Variants in EPHA6 observed in about 807,000 individuals in gnomAD.
EPHA6 encodes the protein ephrin type-A receptor 6.
In EPHA6, 50 loss-of-function variants were observed where a neutral mutation model predicts 112.0. The observed-to-expected ratio is 0.45, with a 90% CI of 0.36 to 0.56. The LOEUF is 0.56. Among genes scored for constraint, EPHA6 ranks in the 20% least tolerant of loss-of-function variants. The probability of loss-of-function intolerance (pLI) is 0.00; values close to 1 mark genes in which losing one functional copy is unlikely to be tolerated. For missense variants in EPHA6, 1,280 were observed against 1,417.4 expected, an observed-to-expected ratio of 0.90 and a Z score of 1.56; for synonymous variants, 529 against 490.7, an observed-to-expected ratio of 1.08 and a Z score of -1.03.
intron 3 of EPHA6, among the ~76,000 whole-genome samples, chr3:97,146,665 A>C (rs1228101317): frequency 4.0e-5 from 6 of 151,878 alleles, no homozygotes; most frequent in Non-Finnish European, 5.9e-5. Context: ...TTTTTAAAAA[A>C]TTTTTCATGT....
At chr3:97,273,087 A>G (rs1020815116) in intron 5 of EPHA6, among the ~76,000 whole-genome samples, 2 of 152,146 alleles carry the variant, frequency 1.3e-5, no homozygotes, top group Non-Finnish European at 2.9e-5. Flanking sequence ...AACGTTTGTC[A>G]TTTAGAATTA....
At chr3:96,978,975 G>T (rs140624312) in intron 2 of EPHA6, among the ~76,000 whole-genome samples, 6 of 152,162 alleles carry the variant, frequency 3.9e-5, no homozygotes, top group Non-Finnish European at 5.9e-5. Context: ...TATTTTCAGA[G>T]AATTAATTTT....
At chr3:97,618,431 G>A (rs988352542) in intron 13 of EPHA6, among the ~76,000 whole-genome samples, 1 of 152,086 alleles carries the variant, frequency 6.6e-6, no homozygotes, top group South Asian at 2.1e-4. Flanking sequence ...TAAGATCAGA[G>A]CTGGGCTACA....
intron 3 of EPHA6, among the ~76,000 whole-genome samples, chr3:97,072,472 T>C (rs1368272548): frequency 6.6e-6 from 1 of 152,058 alleles, no homozygotes; most frequent in Non-Finnish European, 1.5e-5. Flanking sequence ...ACAGATTCTT[T>C]ATCACAGCCG....
At chr3:96,865,719 A>G (rs1464436412) in intron 1 of EPHA6, among the ~76,000 whole-genome samples, 1 of 151,232 alleles carries the variant, frequency 6.6e-6, no homozygotes, top group African/African-American at 2.4e-5. Flanking sequence ...AAAAAAAGGA[A>G]AAAGAAATCT....
intron 5 of EPHA6, among the ~76,000 whole-genome samples, chr3:97,398,260 A>G (rs984764493): frequency 5.9e-5 from 9 of 151,444 alleles, no homozygotes; most frequent in Non-Finnish European, 1.3e-4. Flanking sequence ...ATTAACCATA[A>G]GATTGTATAT....
chr3:97,222,483 G>A (rs1329967645), intron 3 of EPHA6, among the ~76,000 whole-genome samples: 3 of 152,184 alleles, frequency 2.0e-5, no homozygotes, highest in Admixed American at 1.3e-4. Flanking sequence ...TTTTGCATTA[G>A]GAGTAATATC....
chr3:97,463,571 A>C (rs2090959231), intron 7 of EPHA6, among the ~76,000 whole-genome samples: 1 of 152,174 alleles, frequency 6.6e-6, no homozygotes, highest in Non-Finnish European at 1.5e-5. Context: ...TGAAGCACAA[A>C]TGTTCTAAGA....
chr3:97,554,521 A>G (rs1445484955), intron 11 of EPHA6, among the ~76,000 whole-genome samples: 5 of 152,146 alleles, frequency 3.3e-5, no homozygotes, highest in African/African-American at 7.2e-5. Flanking sequence ...TCTTGCTCAC[A>G]TAAAAGTCTA....
At chr3:96,824,645 A>G (rs2033523695) in intron 1 of EPHA6, among the ~76,000 whole-genome samples, 1 of 152,082 alleles carries the variant, frequency 6.6e-6, no homozygotes, top group Non-Finnish European at 1.5e-5. Flanking sequence ...TTAGCTAATG[A>G]CATCAGTAAA....
chr3:97,022,173 T>C (rs956716209), intron 3 of EPHA6, among the ~76,000 whole-genome samples: 1 of 152,186 alleles, frequency 6.6e-6, no homozygotes, highest in African/African-American at 2.4e-5. Flanking sequence ...ATCCATGGTG[T>C]TATCCTAAAA....
intron 5 of EPHA6, among the ~76,000 whole-genome samples, chr3:97,394,831 T>G (rs1246432639): frequency 6.6e-6 from 1 of 151,784 alleles, no homozygotes; most frequent in East Asian, 1.9e-4. Flanking sequence ...TTGTTGGGAA[T>G]GTAAATTAGT....
intron 2 of EPHA6, among the ~76,000 whole-genome samples, chr3:96,918,046 C>A (rs757757499): frequency 6.6e-6 from 1 of 152,126 alleles, no homozygotes; most frequent in African/African-American, 2.4e-5. Context: ...ATCCTTACTA[C>A]TTTATATGTT....
chr3:97,569,319 AAAGT>A (rs1223147187), intron 11 of EPHA6, among the ~76,000 whole-genome samples: 2 of 152,246 alleles, frequency 1.3e-5, no homozygotes, highest in African/African-American at 2.4e-5. Flanking sequence ...ATAAAAAGAT[AAAGT>A]AATAAATGAA....
At chr3:97,568,913 G>T (rs115408862) in intron 11 of EPHA6, among the ~76,000 whole-genome samples, 1 of 152,150 alleles carries the variant, frequency 6.6e-6, no homozygotes, top group Non-Finnish European at 1.5e-5. Flanking sequence ...ACTATTAATA[G>T]GAAACATCAA....
chr3:97,333,568 G>A (rs1449091594), intron 5 of EPHA6, among the ~76,000 whole-genome samples: 2 of 146,112 alleles, frequency 1.4e-5, no homozygotes, highest in Non-Finnish European at 3.0e-5. Flanking sequence ...TGATCTTCCA[G>A]GCTCAAGTGA....
intron 2 of EPHA6, among the ~76,000 whole-genome samples, chr3:96,896,776 ACT>A (rs2038293210): frequency 6.6e-6 from 1 of 152,022 alleles, no homozygotes; most frequent in Admixed American, 6.6e-5. Flanking sequence ...AAAAAGCAAG[ACT>A]CTTCACTTAC....
intron 5 of EPHA6, among the ~76,000 whole-genome samples, chr3:97,269,962 GA>G (rs765020093): frequency 4.6e-5 from 7 of 152,090 alleles, no homozygotes; most frequent in Non-Finnish European, 7.4e-5. Context: ...ATATCATTTT[GA>G]ATTTTGAATT....
chr3:97,174,929 G>A (rs2076794794), intron 3 of EPHA6, among the ~76,000 whole-genome samples: 2 of 151,748 alleles, frequency 1.3e-5, no homozygotes, highest in South Asian at 2.1e-4. Flanking sequence ...TTTTTGCTTT[G>A]GTTGCCTGTA....
Sources: allele counts gnomAD v4.1 joint callset (sites outside exome capture counted in the v4.1 genomes callset), GRCh38; gene constraint gnomAD v4.1.1; transcripts MANE v1.5; gene names NCBI Gene and HGNC (gene_info 2026-07-23, HGNC 2026-07-21).